Variants in FIP1L1 observed in about 807,000 individuals in gnomAD.
The protein encoded by FIP1L1 is factor interacting with PAPOLA and CPSF1.
In FIP1L1, 21 loss-of-function variants were observed where a neutral mutation model predicts 84.6. That is an observed-to-expected ratio of 0.25 (90% CI 0.18 to 0.36). The LOEUF is 0.36. Ranked by LOEUF, FIP1L1 falls within the 10% of genes least tolerant of loss-of-function variation. The pLI, the probability that FIP1L1 is intolerant of heterozygous loss-of-function variation, is 1.00. For missense variants in FIP1L1, 526 were observed against 751.1 expected, an observed-to-expected ratio of 0.70 and a Z score of 3.50; for synonymous variants, 263 against 242.3, an observed-to-expected ratio of 1.09 and a Z score of -0.80.
chr4:53,422,948 T>C (rs1337872111), intron 11 of FIP1L1, among the ~76,000 whole-genome samples: 2 of 152,176 alleles, frequency 1.3e-5, no homozygotes, highest in African/African-American at 4.8e-5. Flanking sequence ...ATTCCTGGGC[T>C]TAAGTAATCC....
chr4:53,447,264 C>G (rs1774611726), intron 15 of FIP1L1, among the ~76,000 whole-genome samples: 2 of 151,892 alleles, frequency 1.3e-5, no homozygotes, highest in African/African-American at 2.4e-5. Context: ...TCATTACTAC[C>G]CTTCTGTTTT....
intron 9 of FIP1L1, among the ~76,000 whole-genome samples, chr4:53,395,873 A>C (rs1005294955): frequency 3.9e-5 from 6 of 152,184 alleles, no homozygotes; most frequent in African/African-American, 1.4e-4. Context: ...TTGTGGATAT[A>C]GATATCACCC....
At chr4:53,440,463 A>G in intron 13 of FIP1L1, 2 of 605,190 alleles carry the variant, frequency 3.3e-6, no homozygotes, top group South Asian at 4.2e-5. Flanking sequence ...CTCTTGAGTG[A>G]ATAAGCCAGG....
intron 10 of FIP1L1, among the ~76,000 whole-genome samples, chr4:53,409,395 G>A (rs1193189380): frequency 6.6e-6 from 1 of 152,238 alleles, no homozygotes; most frequent in Admixed American, 6.5e-5. Flanking sequence ...TGAGGTGTCA[G>A]TCTGCCCCTA....
intron 11 of FIP1L1, among the ~76,000 whole-genome samples, chr4:53,415,179 G>A (rs558866232): frequency 1.6e-4 from 25 of 152,232 alleles, no homozygotes; most frequent in African/African-American, 4.1e-4. Context: ...TTAAGCAGAC[G>A]TAGTAGCTGC....
chr4:53,459,436 C>T lies in FIP1L1; in HGVS notation c.1772C>T (p.Thr591Ile), dbSNP rs1404741115. Residue 591 changes from threonine (T) to isoleucine (I), a missense_variant, in exon 18 of 18, where the codon ACA (threonine) becomes ATA (isoleucine). Around this residue, in one of 6 missense-constraint regions of FIP1L1, gnomAD observed 89 missense variants for 169.0 expected, o/e 0.53. Coordinates refer to ENST00000337488, the MANE Select transcript of FIP1L1 (RefSeq NM_030917.4). Reference protein sequence around the residue: ...PAPEQESTEATPAE With the variant: ...PAPEQESTEAIPAE ...CCTGAACAGGAGAGCACCGAAGCTA[C>T]ACCTGCAGAATAGGCATGGTTTTGG... 2 of 1,613,632 alleles carry T rather than the reference C, an allele frequency of 1.2e-6. No homozygotes were observed. The highest frequency in any genetic ancestry group is 2.2e-5 in the South Asian group (2 of 91,070).
rs1747038483 is a variant in FIP1L1, at chr4:53,395,954, T to C, written c.706-3776T>C. Among the ~76,000 whole-genome samples the C allele has an allele frequency of 2.0e-5, 3 of 152,076 alleles. No individual in the cohort carries two copies. The South Asian group carries it at 6.2e-4, about 31-fold the overall frequency. On this transcript the variant is annotated intron_variant, in intron 9 of 17. Coordinates refer to ENST00000337488, the MANE Select transcript of FIP1L1 (RefSeq NM_030917.4). ...TTTTCTTGAGACAGAATTTCACTCT[T>C]GTTGCCCATGCTGGAGTGCAATGGT... is the stretch of plus-strand genomic sequence containing the variant.
At chr4:53,452,886 A>G (rs1267958429) in intron 15 of FIP1L1, 34 bp from the exon 16 acceptor site, 3 of 1,573,832 alleles carry the variant, frequency 1.9e-6, no homozygotes, top group East Asian at 4.5e-5. Flanking sequence ...TTAAAGTACC[A>G]TAACGTTTGT....
At chr4:53,406,631 T>C (rs979367945) in intron 10 of FIP1L1, among the ~76,000 whole-genome samples, 3 of 152,154 alleles carry the variant, frequency 2.0e-5, no homozygotes, top group African/African-American at 7.2e-5. Context: ...TGTGAATCCA[T>C]CTGGTCCTGG....
intron 3 of FIP1L1, among the ~76,000 whole-genome samples, 169 bp from the exon 4 acceptor site, chr4:53,382,109 C>A (rs997832): frequency 0.81 from 123,470 of 151,964 alleles, 50,301 homozygotes; most frequent in Non-Finnish European, 0.85. Context: ...TACTTGTCTT[C>A]TGCAAGTTAC....
At chr4:53,445,366 A>T (rs1773745133) in intron 15 of FIP1L1, among the ~76,000 whole-genome samples, 1 of 152,162 alleles carries the variant, frequency 6.6e-6, no homozygotes, top group South Asian at 2.1e-4. Flanking sequence ...AGTAAAAAAT[A>T]ATTTTCTCCC....
At chr4:53,437,732 T>C (rs1194869806) in intron 13 of FIP1L1, among the ~76,000 whole-genome samples, 1 of 151,872 alleles carries the variant, frequency 6.6e-6, no homozygotes, top group Non-Finnish European at 1.5e-5. Flanking sequence ...TATTATTTTA[T>C]TTTATTTTTT....
Position 53,377,809 on chromosome 4 carries a change from C to A in FIP1L1, c.-30C>A. On this transcript the variant is annotated 5_prime_UTR_variant, in exon 1 of 18. Transcript: ENST00000337488. ...GAAGGGGTTGGAGGGGGCTGTTGAT[C>A]GCCGCGTTTAAGTTGCGCTCGGGGC... 6.6e-7 allele frequency: 1 copy of A among 1,526,572 alleles called. No individual in the cohort carries two copies. Among genetic ancestry groups the A allele is most frequent in the Non-Finnish European group, 8.8e-7 (1 of 1,132,978 alleles). The allele number at this position is 1,526,572 out of a possible 1,614,324, so 94.6% of individuals were successfully genotyped here.
chr4:53,422,538 C>T (rs1469031436), intron 11 of FIP1L1, among the ~76,000 whole-genome samples: 1 of 151,926 alleles, frequency 6.6e-6, no homozygotes, highest in Non-Finnish European at 1.5e-5. Context: ...GTATTTAGAA[C>T]AGTGCTTACC....
intron 15 of FIP1L1, among the ~76,000 whole-genome samples, chr4:53,444,708 C>T (rs186157682): frequency 9.2e-5 from 14 of 152,132 alleles, no homozygotes; most frequent in Admixed American, 3.3e-4. Flanking sequence ...GATCATCCCA[C>T]GCAGCTAGGA....
At chr4:53,408,443 C>T (rs2149647776) in intron 10 of FIP1L1, among the ~76,000 whole-genome samples, 1 of 152,270 alleles carries the variant, frequency 6.6e-6, no homozygotes, top group African/African-American at 2.4e-5. Flanking sequence ...TCCTTCATTT[C>T]ATCTTTGGTG....
chr4:53,401,739 T>G (rs1368271943), intron 10 of FIP1L1, among the ~76,000 whole-genome samples: 1 of 152,168 alleles, frequency 6.6e-6, no homozygotes, highest in African/African-American at 2.4e-5. Context: ...GAGTGGTTAT[T>G]GGAGGAAGAA....
rs1049620127 is a variant in FIP1L1, at chr4:53,399,974, G to A, written c.815+135G>A. On this transcript the variant is annotated intron_variant, in intron 10 of 17. Transcript: ENST00000337488. ...ATTTTACTTTGGTTTAGTACAAAAT[G>A]AATTCTTCACAAGAAACTTCTTGAT... is the stretch of plus-strand genomic sequence containing the variant. 3.4e-5 allele frequency: 20 copies of A among 591,964 alleles called. No homozygotes were observed. In the Admixed American group the frequency reaches 6.4e-4, roughly 19 times the overall value. 36.7% of individuals were successfully genotyped at this position (591,964 alleles called of 1,614,324 possible).
At chr4:53,384,766 G>A (rs1740021522) in intron 5 of FIP1L1, among the ~76,000 whole-genome samples, 1 of 152,196 alleles carries the variant, frequency 6.6e-6, no homozygotes, top group South Asian at 2.1e-4. Flanking sequence ...AGTTACGATA[G>A]GAGAATAAGA....
Sources: gnomAD v4.1 joint callset for allele counts (sites outside exome capture counted in the v4.1 genomes callset) on GRCh38, gnomAD v4.1.1 for gene constraint, gnomAD v4.1.1 regional missense constraint, MANE v1.5 for transcripts, NCBI Gene and HGNC (gene_info 2026-07-23, HGNC 2026-07-21) for gene names.